Variants in PRDM5 observed in about 807,000 individuals in gnomAD.
PRDM5 encodes PR domain zinc finger protein 5.
PRDM5 carries 56 observed loss-of-function variants against 81.2 expected under a neutral mutation model. The observed-to-expected ratio is 0.69, with a 90% CI of 0.56 to 0.86. The LOEUF (loss-of-function observed/expected upper bound fraction) is 0.86. Among genes scored for constraint, PRDM5 ranks in the 40% least tolerant of loss-of-function variants. PRDM5 has a pLI of 0.00. For missense variants in PRDM5, 697 were observed against 770.1 expected, an observed-to-expected ratio of 0.91 and a Z score of 1.12; for synonymous variants, 267 against 256.4, an observed-to-expected ratio of 1.04 and a Z score of -0.39.
At chr4:120,792,695 G>T (rs917454702) in intron 10 of PRDM5, among the ~76,000 whole-genome samples, 6 of 152,074 alleles carry the variant, frequency 3.9e-5, no homozygotes, top group Admixed American at 6.5e-5. Flanking sequence ...AGAAAATGTG[G>T]TATATAGACA....
chr4:120,771,765 G>A (rs1021207809), intron 13 of PRDM5, among the ~76,000 whole-genome samples: 1 of 152,032 alleles, frequency 6.6e-6, no homozygotes, highest in African/African-American at 2.4e-5. Context: ...AAGAAAAGTA[G>A]AAAATAATAT....
intron 2 of PRDM5, among the ~76,000 whole-genome samples, chr4:120,885,070 G>C (rs573769984): frequency 6.9e-6 from 1 of 144,496 alleles, no homozygotes; most frequent in East Asian, 2.1e-4. Flanking sequence ...GGGAGGGCGA[G>C]CTTGCAGTGA....
At chr4:120,823,131 G>T (rs1334955327) in intron 3 of PRDM5, among the ~76,000 whole-genome samples, 1 of 152,064 alleles carries the variant, frequency 6.6e-6, no homozygotes, top group Non-Finnish European at 1.5e-5. Context: ...ATAAATATTA[G>T]TGTTTATCTG....
At chr4:120,703,428 G>T (rs181077039) in intron 15 of PRDM5, among the ~76,000 whole-genome samples, 2 of 152,018 alleles carry the variant, frequency 1.3e-5, no homozygotes, top group Non-Finnish European at 1.5e-5. Flanking sequence ...GGGCTTAAAC[G>T]ATCCTCCTGC....
chr4:120,840,552 CT>C (rs1757906473), intron 3 of PRDM5, among the ~76,000 whole-genome samples: 1 of 152,108 alleles, frequency 6.6e-6, no homozygotes, highest in African/African-American at 2.4e-5. Context: ...CAATTCCCAC[CT>C]CAGGCCCCAA....
In PRDM5 at chr4:120,741,135, C is replaced by T. The variant is rs144104199; in HGVS notation, c.1623+13418G>A. ...CTGTTTCCTAAGCTTTTTATGCATGCCTCCTAATGTGTCCATGAGGATTTC... is the reference window on the plus strand; with the variant it reads ...CTGTTTCCTAAGCTTTTTATGCATGTCTCCTAATGTGTCCATGAGGATTTC... On this transcript the variant is annotated intron_variant, in intron 14 of 15. Transcript: ENST00000264808. Among the ~76,000 whole-genome samples the T allele has an allele frequency of 1.0e-3, 155 of 152,226 alleles. 1 individual carries two copies. The highest frequency in any genetic ancestry group is 3.5e-3 in the African/African-American group (145 of 41,538).
intron 2 of PRDM5, among the ~76,000 whole-genome samples, chr4:120,854,307 T>C (rs1469227638): frequency 6.6e-6 from 1 of 152,176 alleles, no homozygotes; most frequent in Non-Finnish European, 1.5e-5. Flanking sequence ...GCTAGGGACT[T>C]GCCCAGTTTA....
At chr4:120,804,765 A>G (rs1752661138) in intron 8 of PRDM5, among the ~76,000 whole-genome samples, 1 of 152,212 alleles carries the variant, frequency 6.6e-6, no homozygotes, top group Non-Finnish European at 1.5e-5. Context: ...TCTAAAATTG[A>G]CACCCTAACT....
chr4:120,780,074 T>C (rs1019509870), intron 12 of PRDM5, among the ~76,000 whole-genome samples: 2 of 152,146 alleles, frequency 1.3e-5, no homozygotes, highest in Non-Finnish European at 2.9e-5. Flanking sequence ...ATAAGATAGA[T>C]AGATACTGAA....
At chr4:120,740,987 C>A (rs541209312) in intron 14 of PRDM5, among the ~76,000 whole-genome samples, 1 of 152,312 alleles carries the variant, frequency 6.6e-6, no homozygotes, top group South Asian at 2.1e-4. Flanking sequence ...CTTATGCAGT[C>A]ACATTTTTTT....
At chr4:120,691,026 A>C (rs1309816414), downstream of PRDM5, among the ~76,000 whole-genome samples, 7 of 152,148 alleles carry the variant, frequency 4.6e-5, no homozygotes, top group African/African-American at 1.7e-4. Flanking sequence ...TCAAATATTT[A>C]GGTAACTAAA....
Position 120,695,057 on chromosome 4 carries a change from C to A in PRDM5, c.*54G>T. ...GTTATGCTGATCAGGTGATAAAAAT[C>A]TGGGATTCATATTAGGAGCCCTTCT... On this transcript the variant is annotated 3_prime_UTR_variant, in exon 16 of 16. Coordinates refer to ENST00000264808, the MANE Select transcript of PRDM5 (RefSeq NM_018699.4). The A allele has an allele frequency of 1.3e-6, 2 of 1,566,596 alleles. No homozygotes were observed. Among genetic ancestry groups the A allele is most frequent in the East Asian group, 4.5e-5 (2 of 44,546 alleles).
intron 1 of PRDM5, among the ~76,000 whole-genome samples, chr4:120,916,719 C>A (rs1724214306): frequency 6.6e-6 from 1 of 152,168 alleles, no homozygotes. Context: ...CCTCCACCCA[C>A]AACCTTCCCC....
chr4:120,905,339 A>G (rs887351544), intron 2 of PRDM5, among the ~76,000 whole-genome samples: 46 of 152,214 alleles, frequency 3.0e-4, no homozygotes, highest in African/African-American at 1.1e-3. Flanking sequence ...TATACTATGG[A>G]TAGGCTATAG....
chr4:120,763,013 A>C (rs843578), intron 13 of PRDM5, among the ~76,000 whole-genome samples: 151,088 of 152,294 alleles, frequency 0.99, 74,958 homozygotes, highest in Middle Eastern at 1. Context: ...ACCCTTACTT[A>C]TCAAAACAAT....
At chr4:120,890,300 C>T (rs2148620827) in intron 2 of PRDM5, among the ~76,000 whole-genome samples, 1 of 152,204 alleles carries the variant, frequency 6.6e-6, no homozygotes, top group South Asian at 2.1e-4. Flanking sequence ...ATGAACAGAT[C>T]TCAGGAGAAC....
chr4:120,885,134 CAAAAAAAAAAAA>C (rs60623556), intron 2 of PRDM5, among the ~76,000 whole-genome samples: 1 of 50,708 alleles, frequency 2.0e-5, no homozygotes, highest in Non-Finnish European at 4.1e-5. Context: ...GACTCCGTAT[CAAAAAAAAAAAA>C]AAAAAAAAAA....
At position 120,798,429 on chromosome 4, in the gene PRDM5, T is replaced by A. The variant is rs1561278147; in HGVS notation, c.1031-5A>T. On this transcript the variant is annotated splice_polypyrimidine_tract_variant and splice_region_variant and intron_variant, in intron 9 of 15. Transcript: ENST00000264808. ...CGCAATTATAGGGTCGTTTTTCTATTAAAAAAATGAGTGGAGACAATCTCA... is the reference window on the plus strand; with the variant it reads ...CGCAATTATAGGGTCGTTTTTCTATAAAAAAAATGAGTGGAGACAATCTCA... 5.0e-6 allele frequency: 8 copies of A among 1,592,568 alleles called. No homozygotes were observed. Among genetic ancestry groups the A allele is most frequent in the Middle Eastern group, 1.7e-4 (1 of 5,934 alleles).
chr4:120,689,533 A>G (rs1733960295), downstream of PRDM5, among the ~76,000 whole-genome samples: 2 of 152,048 alleles, frequency 1.3e-5, no homozygotes, highest in African/African-American at 2.4e-5. Context: ...GATTTCCTAC[A>G]TTTCAGTAAT....
Sources: gnomAD v4.1 joint callset for allele counts (sites outside exome capture counted in the v4.1 genomes callset) on GRCh38, gnomAD v4.1.1 for gene constraint, MANE v1.5 for transcripts, NCBI Gene and HGNC (gene_info 2026-07-23, HGNC 2026-07-21) for gene names.